The following SLC9A7 variants were observed in gnomAD, a reference collection of about 807,000 sequenced individuals.
SLC9A7 encodes the protein sodium/hydrogen exchanger 7.
SLC9A7 carries 19 observed loss-of-function variants against 52.6 expected under a neutral mutation model. That is an observed-to-expected ratio of 0.36 (90% CI 0.25 to 0.53). The LOEUF (loss-of-function observed/expected upper bound fraction) is 0.53. SLC9A7 is among the 20% of genes least tolerant of loss of function. The pLI is 0.91. For synonymous variants in SLC9A7, 226 were observed against 252.1 expected (o/e 0.90, Z 0.98); for missense variants, 455 against 597.9 (o/e 0.76, Z 2.49).
chrX:46,740,661 T>C (rs958754825), intron 1 of SLC9A7, among the ~76,000 whole-genome samples: 2 of 111,021 alleles, frequency 1.8e-5, no homozygotes, highest in Non-Finnish European at 3.8e-5. Flanking sequence ...CCACTTACAA[T>C]AGCCACAAAC....
chrX:46,696,246 A>G (rs1344961814), intron 1 of SLC9A7, among the ~76,000 whole-genome samples: 1 of 111,038 alleles, frequency 9.0e-6, no homozygotes, highest in Non-Finnish European at 1.9e-5. Flanking sequence ...TCAGCCTCCC[A>G]AAGTGCTGGG....
chrX:46,625,145 A>G (rs1943104655), intron 14 of SLC9A7, among the ~76,000 whole-genome samples: 1 of 112,415 alleles, frequency 8.9e-6, no homozygotes, highest in African/African-American at 3.2e-5. Flanking sequence ...GAATGAATGC[A>G]TAATGATATC....
chrX:46,740,199 T>C (rs1921238818), intron 1 of SLC9A7, among the ~76,000 whole-genome samples: 1 of 111,406 alleles, frequency 9.0e-6, no homozygotes, highest in South Asian at 3.8e-4. Context: ...ACAAGAAAGA[T>C]CAAAACACGT....
intron 1 of SLC9A7, among the ~76,000 whole-genome samples, chrX:46,721,356 CA>C (rs1228623238): frequency 1.8e-5 from 2 of 111,474 alleles, no homozygotes; most frequent in African/African-American, 6.5e-5. Context: ...TGTTATAAGC[CA>C]GCAGAAGAGT....
At chrX:46,619,571 G>A (rs1943008913) in intron 15 of SLC9A7, among the ~76,000 whole-genome samples, 1 of 111,215 alleles carries the variant, frequency 9.0e-6, no homozygotes, top group East Asian at 2.8e-4. Flanking sequence ...AGCCAAATAA[G>A]CCAGACACTA....
chrX:46,708,399 G>A (rs749917326), intron 1 of SLC9A7, among the ~76,000 whole-genome samples: 2 of 110,493 alleles, frequency 1.8e-5, no homozygotes, highest in African/African-American at 3.3e-5. Context: ...GCATGGTGGC[G>A]GGTGCCTGTA....
Position 46,663,254 on chromosome X carries a change from A to T in SLC9A7, c.794-611T>A, listed in dbSNP as rs1431250751. Among the ~76,000 whole-genome samples, 3 of 110,076 alleles carry T rather than the reference A, an allele frequency of 2.7e-5. No individual in the cohort carries two copies. The East Asian group carries it at 8.7e-4, about 32-fold the overall frequency. Reference sequence around the variant, plus strand: ...AGGCTGAGGCAGGAGAATCACTTGAACCCAGGAGGCGGAGGTTGCAGTGAG... The same window carrying T: ...AGGCTGAGGCAGGAGAATCACTTGATCCCAGGAGGCGGAGGTTGCAGTGAG... On this transcript the variant is annotated intron_variant, in intron 5 of 16. Coordinates refer to ENST00000616978, the MANE Select transcript of SLC9A7 (RefSeq NM_001257291.2).
At position 46,721,399 on chromosome X, in the gene SLC9A7, G is replaced by T. The variant is rs889934288; in HGVS notation, c.325+37306C>A. On this transcript the variant is annotated intron_variant, in intron 1 of 16. Transcript: ENST00000616978. ...TTCAAAGATGCAAATAGTTCCCCTC[G>T]GTCATATTACCCTGGATAGAAATTA... 5.4e-5 allele frequency among the ~76,000 whole-genome samples: 6 copies of T among 111,824 alleles called. No homozygotes were observed. In the South Asian group the frequency reaches 2.3e-3, roughly 42 times the overall value.
intron 14 of SLC9A7, among the ~76,000 whole-genome samples, chrX:46,630,941 G>A (rs1943210876): frequency 8.9e-6 from 1 of 112,409 alleles, no homozygotes. Flanking sequence ...CATGCTGGCA[G>A]GCAGCTCAGG....
Position 46,645,988 on chromosome X carries a change from T to G in SLC9A7, c.1463-2599A>C, listed in dbSNP as rs74980065. On this transcript the variant is annotated intron_variant, in intron 11 of 16. Transcript: ENST00000616978. ...TTTGTATTATTTATATACTTTTTTT[T>G]GTAAAATAAATGCAACAGAAACTTA... Among the ~76,000 whole-genome samples the G allele has an allele frequency of 3.4e-3, 381 of 112,761 alleles. 1 individual carries two copies. The highest frequency in any genetic ancestry group is 0.012 in the African/African-American group (368 of 31,054).
intron 1 of SLC9A7, among the ~76,000 whole-genome samples, chrX:46,697,698 G>C (rs1944467646): frequency 9.0e-6 from 1 of 111,616 alleles, no homozygotes; most frequent in African/African-American, 3.3e-5. Flanking sequence ...ATGTGTGTTT[G>C]AGCAATATGA....
At chrX:46,738,780 A>C (rs1454513867) in intron 1 of SLC9A7, among the ~76,000 whole-genome samples, 1 of 108,961 alleles carries the variant, frequency 9.2e-6, no homozygotes, top group Non-Finnish European at 1.9e-5. Context: ...AAAAAAAAAA[A>C]ACAAAACAAA....
chrX:46,756,016 A>G (rs1922642335), intron 1 of SLC9A7, among the ~76,000 whole-genome samples: 1 of 109,434 alleles, frequency 9.1e-6, no homozygotes, highest in African/African-American at 3.3e-5. Context: ...ATATATATAT[A>G]AATTTATCTT....
chrX:46,740,005 T>C (rs902027724), intron 1 of SLC9A7, among the ~76,000 whole-genome samples: 2 of 111,526 alleles, frequency 1.8e-5, no homozygotes, highest in Non-Finnish European at 3.8e-5. Context: ...GCAGCAAAAA[T>C]GTACAGCAGT....
intron 3 of SLC9A7, among the ~76,000 whole-genome samples, chrX:46,672,961 C>A (rs1944049337): frequency 8.9e-6 from 1 of 111,847 alleles, no homozygotes; most frequent in Admixed American, 9.5e-5. Context: ...AGATTTAACC[C>A]AAACCATTTT....
At chrX:46,727,702 A>G (rs748826477) in intron 1 of SLC9A7, among the ~76,000 whole-genome samples, 1 of 112,296 alleles carries the variant, frequency 8.9e-6, no homozygotes, top group East Asian at 2.8e-4. Flanking sequence ...AAAAATTATG[A>G]TTGCGCTTGA....
intron 1 of SLC9A7, among the ~76,000 whole-genome samples, chrX:46,691,748 T>C (rs1220479524): frequency 2.7e-5 from 3 of 111,290 alleles, no homozygotes; most frequent in African/African-American, 9.8e-5. Context: ...TCTAGAAAAG[T>C]AGCTACAGAA....
At chrX:46,711,431 G>C (rs901083668) in intron 1 of SLC9A7, among the ~76,000 whole-genome samples, 3 of 111,715 alleles carry the variant, frequency 2.7e-5, no homozygotes, top group African/African-American at 9.8e-5. Context: ...ACAGAAAAGA[G>C]AGAATCCCTT....
intron 15 of SLC9A7, among the ~76,000 whole-genome samples, chrX:46,618,454 A>G (rs2146692338): frequency 9.0e-6 from 1 of 111,399 alleles, no homozygotes; most frequent in African/African-American, 3.3e-5. Flanking sequence ...TTTCTAGAGA[A>G]AAAATTGCCC....
Sources: allele counts gnomAD v4.1 joint callset (sites outside exome capture counted in the v4.1 genomes callset), GRCh38; gene constraint gnomAD v4.1.1; transcripts MANE v1.5; gene names NCBI Gene and HGNC (gene_info 2026-07-23, HGNC 2026-07-21).